The following DIPK1A variants were observed in gnomAD, a reference collection of about 807,000 sequenced individuals.
DIPK1A encodes the protein divergent protein kinase domain 1A, also known as family with sequence similarity 69 member A.
A neutral mutation model predicts 40.8 loss-of-function variants in DIPK1A; 27 were observed. The ratio of observed to expected loss-of-function variants is 0.66; its 90% CI spans 0.49 to 0.91. The LOEUF (loss-of-function observed/expected upper bound fraction) is 0.91, where lower values mean the gene tolerates loss of function less well. Ranked by LOEUF, DIPK1A falls within the 40% of genes least tolerant of loss-of-function variation. DIPK1A has a pLI of 0.00. For missense variants in DIPK1A, 412 were observed against 505.7 expected (o/e 0.81, Z 1.78); for synonymous variants, 166 against 171.3 (o/e 0.97, Z 0.24).
At chr1:92,870,968 C>T (rs1429738402) in intron 2 of DIPK1A, among the ~76,000 whole-genome samples, 1 of 152,146 alleles carries the variant, frequency 6.6e-6, no homozygotes, top group Non-Finnish European at 1.5e-5. Context: ...ACTCTGCTTC[C>T]TCACTCTCTA....
chr1:92,924,142 T>C (rs1190564633), intron 1 of DIPK1A, among the ~76,000 whole-genome samples: 4 of 152,220 alleles, frequency 2.6e-5, no homozygotes. Context: ...AGATAATTGG[T>C]TTTTAAATCT....
intron 4 of DIPK1A, among the ~76,000 whole-genome samples, chr1:92,846,390 G>C (rs771670124): frequency 6.6e-6 from 1 of 151,918 alleles, no homozygotes; most frequent in Non-Finnish European, 1.5e-5. Context: ...TGCCTATCTA[G>C]CGGTAATTTT....
chr1:92,922,923 C>G (rs910676529), intron 1 of DIPK1A, among the ~76,000 whole-genome samples: 7 of 151,910 alleles, frequency 4.6e-5, no homozygotes, highest in African/African-American at 1.7e-4. Flanking sequence ...CAGTTTTCAT[C>G]TCCTTTTTTT....
At chr1:92,887,360 T>C (rs1217991251) in intron 1 of DIPK1A, among the ~76,000 whole-genome samples, 2 of 151,564 alleles carry the variant, frequency 1.3e-5, no homozygotes, top group East Asian at 3.9e-4. Flanking sequence ...TGGGATGTCA[T>C]GGCAGCAGTG....
At chr1:92,923,492 T>C (rs1482657185) in intron 1 of DIPK1A, among the ~76,000 whole-genome samples, 1 of 152,216 alleles carries the variant, frequency 6.6e-6, no homozygotes. Flanking sequence ...CTGAATCAAC[T>C]AAGGATGCTA....
chr1:92,935,415 A>G (rs1382817329), intron 1 of DIPK1A, among the ~76,000 whole-genome samples: 33 of 152,358 alleles, frequency 2.2e-4, no homozygotes, highest in Non-Finnish European at 3.7e-4. Flanking sequence ...AAATGAGATT[A>G]GAAATGGTTT....
chr1:92,892,415 C>A (rs1409114211), intron 1 of DIPK1A, among the ~76,000 whole-genome samples: 7 of 152,080 alleles, frequency 4.6e-5, no homozygotes, highest in Non-Finnish European at 2.9e-5. Context: ...CTCCAGCAAA[C>A]TCCAACAGAA....
At chr1:92,942,413 G>A (rs956258837) in intron 1 of DIPK1A, among the ~76,000 whole-genome samples, 1 of 152,102 alleles carries the variant, frequency 6.6e-6, no homozygotes, top group Non-Finnish European at 1.5e-5. Flanking sequence ...AACCAAGTAT[G>A]AACAGCATTA....
chr1:92,839,250 T>G (rs1366820579), downstream of DIPK1A, among the ~76,000 whole-genome samples: 3 of 152,124 alleles, frequency 2.0e-5, no homozygotes, highest in African/African-American at 7.2e-5. Flanking sequence ...TCCCAGCGAC[T>G]CGGGAGGCTG....
At chr1:92,838,732 G>T (rs1261039603), downstream of DIPK1A, among the ~76,000 whole-genome samples, 1 of 152,164 alleles carries the variant, frequency 6.6e-6, no homozygotes, top group African/African-American at 2.4e-5. Context: ...GAAGGAACTG[G>T]GTTGCTTAGA....
At chr1:92,844,988 AG>A (rs1159521346) in intron 4 of DIPK1A, among the ~76,000 whole-genome samples, 7 of 121,030 alleles carry the variant, frequency 5.8e-5, no homozygotes, top group African/African-American at 2.3e-4. Context: ...TCTTTCGCCC[AG>A]GCTGGAGTGC....
intron 1 of DIPK1A, among the ~76,000 whole-genome samples, chr1:92,905,344 AT>A (rs1425896688): frequency 6.6e-6 from 1 of 152,026 alleles, no homozygotes; most frequent in Non-Finnish European, 1.5e-5. Context: ...GATAGAAGCC[AT>A]TTTAACTAGA....
At chr1:92,917,166 C>T (rs941411557) in intron 1 of DIPK1A, among the ~76,000 whole-genome samples, 2 of 152,156 alleles carry the variant, frequency 1.3e-5, no homozygotes, top group African/African-American at 4.8e-5. Flanking sequence ...ATTTACCTAA[C>T]TCTTCCCCCT....
intron 2 of DIPK1A, among the ~76,000 whole-genome samples, chr1:92,871,881 G>T (rs570733213): frequency 6.6e-6 from 1 of 152,058 alleles, no homozygotes; most frequent in African/African-American, 2.4e-5. Context: ...CAGTTGGCTT[G>T]TTTCCACCTT....
intron 1 of DIPK1A, among the ~76,000 whole-genome samples, chr1:92,949,788 C>T (rs1275954999): frequency 2.0e-5 from 3 of 152,158 alleles, no homozygotes; most frequent in African/African-American, 7.2e-5. Context: ...CTCATCTATA[C>T]TATTTGACTT....
chr1:92,915,039 G>C (rs971289776), intron 1 of DIPK1A, among the ~76,000 whole-genome samples: 1 of 134,842 alleles, frequency 7.4e-6, no homozygotes, highest in Non-Finnish European at 1.5e-5. Context: ...AGTAAGCCGA[G>C]ATGGCACCAC....
chr1:92,855,932 TA>T (rs1687972171), intron 2 of DIPK1A, among the ~76,000 whole-genome samples: 3 of 151,790 alleles, frequency 2.0e-5, no homozygotes, highest in Admixed American at 2.0e-4. Context: ...ATACAAAAAT[TA>T]GCCAGGTGTG....
At chr1:92,954,471 G>A (rs780079452) in intron 1 of DIPK1A, among the ~76,000 whole-genome samples, 37 of 148,054 alleles carry the variant, frequency 2.5e-4, no homozygotes, top group Admixed American at 4.8e-4. Context: ...TCCAACTCCC[G>A]GGTTCAAGCT....
At chr1:92,958,932 T>C (rs181623119) in intron 1 of DIPK1A, among the ~76,000 whole-genome samples, 1 of 152,322 alleles carries the variant, frequency 6.6e-6, no homozygotes, top group African/African-American at 2.4e-5. Flanking sequence ...TCTTTATCTA[T>C]TAGAAATGTA....
Sources: gnomAD v4.1 joint callset for allele counts (sites outside exome capture counted in the v4.1 genomes callset) on GRCh38, gnomAD v4.1.1 for gene constraint, MANE v1.5 for transcripts, NCBI Gene and HGNC (gene_info 2026-07-23, HGNC 2026-07-21) for gene names.